The following GIPC2 variants were observed in gnomAD, a reference collection of about 807,000 sequenced individuals.
GIPC2 encodes PDZ domain-containing protein GIPC2.
In GIPC2, 30 loss-of-function variants were observed where a neutral mutation model predicts 30.6. The ratio of observed to expected loss-of-function variants is 0.98; its 90% CI spans 0.73 to 1.33. GIPC2 has a LOEUF of 1.33. Among genes scored for constraint, GIPC2 ranks in the 40% most tolerant of loss-of-function variants. The pLI, the probability that GIPC2 is intolerant of heterozygous loss-of-function variation, is 0.00. For synonymous variants in GIPC2, 167 were observed against 150.0 expected, an observed-to-expected ratio of 1.11 and a Z score of -0.83; for missense variants, 414 against 390.3, an observed-to-expected ratio of 1.06 and a Z score of -0.51.
chr1:78,045,708 G>A, upstream of GIPC2: 1 of 985,476 alleles, frequency 1.0e-6, no homozygotes, highest in Non-Finnish European at 1.2e-6. Context: ...AATCATGCGT[G>A]GGTGCCTACT....
rs1438479821 is a variant in GIPC2, at chr1:78,046,130, G to C, written c.36G>C (p.Lys12Asn). 2 of 1,525,504 alleles carry C rather than the reference G, an allele frequency of 1.3e-6. No homozygotes were observed. The highest frequency in any genetic ancestry group is 5.1e-5 in the East Asian group (2 of 39,278). 94.5% of individuals were successfully genotyped at this position (1,525,504 alleles called of 1,614,324 possible). The change falls in exon 1 of 6, where the codon AAG becomes AAC. Residue 12 changes from lysine to asparagine, a missense_variant. Transcript: ENST00000370759. ...AGCTGCGGGGGAAGAAGAAGGCCAAGTCCAAGGAGACCGCCGGGCTGGTGG... is the reference window on the plus strand; with the variant it reads ...AGCTGCGGGGGAAGAAGAAGGCCAACTCCAAGGAGACCGCCGGGCTGGTGG... ...PLKLRGKKKA[K>N]SKETAGLVEG... is the part of the protein sequence containing the mutation.
intron 1 of GIPC2, among the ~76,000 whole-genome samples, chr1:78,078,585 G>T (rs951029990): frequency 6.6e-6 from 1 of 152,126 alleles, no homozygotes; most frequent in East Asian, 1.9e-4. Flanking sequence ...GATGGAAAAG[G>T]GTTCTTCTAC....
chr1:78,071,885 A>G (rs1661626716), intron 1 of GIPC2, among the ~76,000 whole-genome samples: 2 of 152,218 alleles, frequency 1.3e-5, no homozygotes, highest in African/African-American at 4.8e-5. Flanking sequence ...TTTTCTGCAC[A>G]GGGCATATTG....
intron 2 of GIPC2, among the ~76,000 whole-genome samples, chr1:78,085,553 C>G (rs1487242937): frequency 7.6e-6 from 1 of 131,388 alleles, no homozygotes; most frequent in African/African-American, 2.8e-5. Flanking sequence ...AGGTTCTAGG[C>G]TTTTTTTTTT....
intron 5 of GIPC2, among the ~76,000 whole-genome samples, chr1:78,134,893 T>C (rs1230392700): frequency 1.3e-5 from 2 of 152,158 alleles, no homozygotes; most frequent in Non-Finnish European, 2.9e-5. Flanking sequence ...ACTGAGCCTC[T>C]TGGGCTCCCA....
At chr1:78,118,550 A>G (rs2100425853) in intron 3 of GIPC2, among the ~76,000 whole-genome samples, 1 of 152,294 alleles carries the variant, frequency 6.6e-6, no homozygotes, top group Admixed American at 6.5e-5. Context: ...ATAAGACACA[A>G]CAGAAAAAAC....
At position 78,050,633 on chromosome 1, in the gene GIPC2, TTTTTTTTTTC is replaced by T. The variant is rs964815475; in HGVS notation, c.240+4308_240+4317del. ...AGAAAGTTTAATACATACCATCTTT[TTTTTTTTTTC>T]TTTTTTTTGTGACGGGAGTCTCGCT... On this transcript the variant is annotated intron_variant, in intron 1 of 5. Coordinates refer to ENST00000370759, the MANE Select transcript of GIPC2 (RefSeq NM_017655.6). 7.2e-5 allele frequency among the ~76,000 whole-genome samples: 11 copies of T among 152,222 alleles called. No individual in the cohort carries two copies. The Middle Eastern group carries it at 0.01, about 142-fold the overall frequency.
intron 3 of GIPC2, among the ~76,000 whole-genome samples, chr1:78,095,903 A>T (rs1662129290): frequency 6.6e-6 from 1 of 152,186 alleles, no homozygotes; most frequent in Non-Finnish European, 1.5e-5. Context: ...CAGAACATAA[A>T]TATTCCATTT....
In GIPC2 at chr1:78,135,717, G is replaced by A; in HGVS notation, c.922G>A (p.Gly308Ser). The A allele has an allele frequency of 6.2e-7, 1 of 1,613,730 alleles. No homozygotes were observed. The highest frequency in any genetic ancestry group is 8.5e-7 in the Non-Finnish European group (1 of 1,179,792). ...EFVFDVWGVI[G>S]DAKRRGL is the part of the protein sequence containing the mutation. Reference sequence around the variant, plus strand: ...TGTCTTTGATGTTTGGGGAGTCATTGGTGATGCCAAACGAAGAGGATTATG... The same window carrying A: ...TGTCTTTGATGTTTGGGGAGTCATTAGTGATGCCAAACGAAGAGGATTATG... The change falls in exon 6 of 6, where the codon GGT becomes AGT. Residue 308 changes from glycine (G) to serine (S), a missense_variant. By Grantham distance (56) the Gly-to-Ser change is moderately conservative. Coordinates refer to ENST00000370759, the MANE Select transcript of GIPC2 (RefSeq NM_017655.6).
At chr1:78,045,762 T>A (rs1661054660), upstream of GIPC2, 1 of 1,074,968 alleles carries the variant, frequency 9.3e-7, no homozygotes, top group Admixed American at 5.4e-5. Context: ...GTTTGCCTTC[T>A]AAGGCGTATT....
intron 1 of GIPC2, among the ~76,000 whole-genome samples, chr1:78,072,021 G>T (rs1661628888): frequency 6.6e-6 from 1 of 152,106 alleles, no homozygotes; most frequent in African/African-American, 2.4e-5. Flanking sequence ...AAAACACCCT[G>T]GAGTTGGACA....
chr1:78,087,448 C>T (rs1392980232), intron 2 of GIPC2, among the ~76,000 whole-genome samples: 1 of 152,110 alleles, frequency 6.6e-6, no homozygotes, highest in Non-Finnish European at 1.5e-5. Context: ...GGCTGCACAG[C>T]TACAACCACC....
chr1:78,105,690 A>G (rs1382702141), intron 3 of GIPC2, among the ~76,000 whole-genome samples: 2 of 152,192 alleles, frequency 1.3e-5, no homozygotes, highest in Non-Finnish European at 2.9e-5. Context: ...TAAAACAGCA[A>G]TGTGAGATGA....
chr1:78,102,906 G>A (rs1177931115), intron 3 of GIPC2, among the ~76,000 whole-genome samples: 1 of 152,224 alleles, frequency 6.6e-6, no homozygotes, highest in African/African-American at 2.4e-5. Flanking sequence ...TGAGAACTCT[G>A]GCACTGTTTG....
intron 4 of GIPC2, among the ~76,000 whole-genome samples, 159 bp downstream of exon 4, chr1:78,119,658 A>C (rs1571523254): frequency 6.6e-6 from 1 of 152,286 alleles, no homozygotes; most frequent in South Asian, 2.1e-4. Context: ...AATTAAGGAC[A>C]TGAGAAGAGA....
At chr1:78,089,306 G>A (rs1388465445) in intron 2 of GIPC2, among the ~76,000 whole-genome samples, 1 of 152,086 alleles carries the variant, frequency 6.6e-6, no homozygotes, top group Non-Finnish European at 1.5e-5. Context: ...ACTTTTCTGA[G>A]CCTTCTCTCA....
At chr1:78,097,756 T>C (rs376935192) in intron 3 of GIPC2, among the ~76,000 whole-genome samples, 2 of 152,198 alleles carry the variant, frequency 1.3e-5, no homozygotes, top group Non-Finnish European at 2.9e-5. Flanking sequence ...AAACAGTCAA[T>C]TGAGCCTTGA....
chr1:78,046,135 AG>A lies in GIPC2; in HGVS notation c.43del (p.Glu15ArgfsTer72). The A allele has an allele frequency of 6.5e-7, 1 of 1,528,610 alleles. No individual in the cohort carries two copies. Among genetic ancestry groups the A allele is most frequent in the Non-Finnish European group, 8.8e-7 (1 of 1,140,586 alleles). 94.7% of individuals were successfully genotyped at this position (1,528,610 alleles called of 1,614,324 possible). A position where few individuals can be genotyped will look rare whatever the true frequency, so the allele number is the denominator to read the frequency against. On this transcript the variant is annotated frameshift_variant, in exon 1 of 6. Transcript: ENST00000370759. LOFTEE classifies it high-confidence loss of function. The stretch of plus-strand genomic sequence containing the variant: ...CGGGGGAAGAAGAAGGCCAAGTCCA[AG>A]GAGACCGCCGGGCTGGTGGAGGGCG... The part of the protein sequence containing the change: ...KLRGKKKAKS[K>X]ETAGLVEGEP...
intron 3 of GIPC2, among the ~76,000 whole-genome samples, chr1:78,098,142 G>A (rs1662173429): frequency 6.6e-6 from 1 of 152,148 alleles, no homozygotes; most frequent in Non-Finnish European, 1.5e-5. Flanking sequence ...CAGTCTGGGA[G>A]TATTGGAATG....
Sources: gnomAD v4.1 joint callset for allele counts (sites outside exome capture counted in the v4.1 genomes callset) on GRCh38, gnomAD v4.1.1 for gene constraint, MANE v1.5 for transcripts, NCBI Gene and HGNC (gene_info 2026-07-23, HGNC 2026-07-21) for gene names.